The following CYP2C19 variants were observed in gnomAD, a reference collection of about 807,000 sequenced individuals.
The protein encoded by CYP2C19 is cytochrome P450 family 2 subfamily C member 19, also known as cytochrome P450 2C19.
A neutral mutation model predicts 40.9 loss-of-function variants in CYP2C19; 59 were observed. The observed-to-expected ratio is 1.44, with a 90% CI of 1.17 to 1.79. CYP2C19 has a LOEUF of 1.79. Ranked by LOEUF, CYP2C19 falls within the 40% of genes most tolerant of loss-of-function variation. The pLI, the probability that CYP2C19 is intolerant of heterozygous loss-of-function variation, is 0.00. For synonymous variants in CYP2C19, 253 were observed against 208.7 expected (o/e 1.21, Z -1.83); for missense variants, 754 against 596.9 (o/e 1.26, Z -2.74).
intron 5 of CYP2C19, among the ~76,000 whole-genome samples, chr10:94,801,337 A>T (rs949419910): frequency 1.3e-5 from 2 of 152,038 alleles, no homozygotes; most frequent in African/African-American, 4.8e-5. Context: ...CTTTTGCCTT[A>T]ATTTCGTTAG....
intron 6 of CYP2C19, among the ~76,000 whole-genome samples, chr10:94,822,212 T>C (rs1187897535): frequency 2.0e-5 from 3 of 152,152 alleles, no homozygotes; most frequent in African/African-American, 4.8e-5. Context: ...GGCTGGGTAA[T>C]TCATAAAGGA....
chr10:94,765,898 T>A (rs1848234816), intron 1 of CYP2C19, among the ~76,000 whole-genome samples: 1 of 152,066 alleles, frequency 6.6e-6, no homozygotes, highest in African/African-American at 2.4e-5. Context: ...ACAGGTTGCA[T>A]TGCATTCATA....
chr10:94,850,574 G>T (rs1359408893), intron 8 of CYP2C19, among the ~76,000 whole-genome samples: 1 of 152,178 alleles, frequency 6.6e-6, no homozygotes, highest in Admixed American at 6.6e-5. Context: ...ATATAGAAAA[G>T]AACAGGCTGT....
At chr10:94,801,339 T>C (rs1848762594) in intron 5 of CYP2C19, among the ~76,000 whole-genome samples, 1 of 152,218 alleles carries the variant, frequency 6.6e-6, no homozygotes, top group Admixed American at 6.5e-5. Flanking sequence ...TTTGCCTTAA[T>C]TTCGTTAGTT....
chr10:94,815,634 T>A (rs1329733702), intron 5 of CYP2C19, among the ~76,000 whole-genome samples: 1 of 152,230 alleles, frequency 6.6e-6, no homozygotes, highest in Non-Finnish European at 1.5e-5. Flanking sequence ...ATTCTCCATC[T>A]TCATCATTCT....
intron 5 of CYP2C19, among the ~76,000 whole-genome samples, chr10:94,792,137 T>G (rs1848613192): frequency 6.6e-6 from 1 of 152,186 alleles, no homozygotes; most frequent in South Asian, 2.1e-4. Context: ...TTGTCTCTTT[T>G]GATCTTTGTT....
chr10:94,804,569 A>G (rs905178501), intron 5 of CYP2C19, among the ~76,000 whole-genome samples: 10 of 152,110 alleles, frequency 6.6e-5, no homozygotes, highest in African/African-American at 2.4e-4. Context: ...TCCCCACCTT[A>G]GCTGCAGGGC....
At chr10:94,840,188 G>T (rs1037222432) in intron 6 of CYP2C19, among the ~76,000 whole-genome samples, 2 of 151,432 alleles carry the variant, frequency 1.3e-5, no homozygotes, top group Non-Finnish European at 2.9e-5. Context: ...ACCAATTACA[G>T]GTTTTAAATT....
At chr10:94,793,003 G>C (rs907187335) in intron 5 of CYP2C19, among the ~76,000 whole-genome samples, 1 of 152,110 alleles carries the variant, frequency 6.6e-6, no homozygotes, top group Non-Finnish European at 1.5e-5. Flanking sequence ...ATCAGATGTA[G>C]ATTTGGTCTT....
chr10:94,837,972 A>G (rs1028140690), intron 6 of CYP2C19, among the ~76,000 whole-genome samples: 17 of 152,166 alleles, frequency 1.1e-4, no homozygotes, highest in African/African-American at 4.1e-4. Flanking sequence ...CTGCACTGGA[A>G]GCAAGCCCTA....
intron 6 of CYP2C19, among the ~76,000 whole-genome samples, chr10:94,829,428 T>G (rs1400278818): frequency 6.6e-6 from 1 of 152,202 alleles, no homozygotes; most frequent in Non-Finnish European, 1.5e-5. Flanking sequence ...CTGATACCCT[T>G]TCTTCCAGTT....
intron 5 of CYP2C19, among the ~76,000 whole-genome samples, chr10:94,813,079 T>C (rs958309023): frequency 6.6e-6 from 1 of 152,046 alleles, no homozygotes; most frequent in Non-Finnish European, 1.5e-5. Context: ...TTGATGTTGA[T>C]GCTATTCCTT....
chr10:94,764,009 G>T (rs568868330), intron 1 of CYP2C19, among the ~76,000 whole-genome samples: 1 of 152,180 alleles, frequency 6.6e-6, no homozygotes, highest in African/African-American at 2.4e-5. Context: ...AAGGTGGCAT[G>T]TCTGGAGTTG....
intron 3 of CYP2C19, 54 bp from the exon 4 acceptor site, chr10:94,780,445 A>T (rs893035990): frequency 6.3e-7 from 1 of 1,590,376 alleles, no homozygotes; most frequent in Non-Finnish European, 8.6e-7. Flanking sequence ...ACAAATATGA[A>T]GTGTTTTATA....
intron 5 of CYP2C19, among the ~76,000 whole-genome samples, chr10:94,797,713 T>G (rs1848708609): frequency 6.6e-6 from 1 of 152,142 alleles, no homozygotes; most frequent in Non-Finnish European, 1.5e-5. Flanking sequence ...CCTGGTTTAG[T>G]CTTGGGAGGG....
intron 1 of CYP2C19, among the ~76,000 whole-genome samples, chr10:94,769,512 G>T (rs1848297811): frequency 6.6e-6 from 1 of 152,174 alleles, no homozygotes; most frequent in South Asian, 2.1e-4. Flanking sequence ...ACAGAGCAGG[G>T]TTTAGGGGTT....
intron 1 of CYP2C19, among the ~76,000 whole-genome samples, chr10:94,768,876 G>A (rs1185054549): frequency 6.6e-6 from 1 of 152,110 alleles, no homozygotes; most frequent in African/African-American, 2.4e-5. Context: ...CTGCTTTAAG[G>A]TTTTGAAGGC....
intron 5 of CYP2C19, among the ~76,000 whole-genome samples, chr10:94,796,559 G>A (rs139619180): frequency 0.068 from 10,387 of 152,134 alleles, 410 homozygotes; most frequent in South Asian, 0.12. Flanking sequence ...GATGGGGATG[G>A]CATTGAATCT....
chr10:94,770,337 T>C (rs750170574), intron 1 of CYP2C19, among the ~76,000 whole-genome samples: 10 of 152,122 alleles, frequency 6.6e-5, no homozygotes, highest in Non-Finnish European at 1.5e-4. Flanking sequence ...CATTGGACAA[T>C]CTTTTTTAAA....
Sources: gnomAD v4.1 joint callset for allele counts (sites outside exome capture counted in the v4.1 genomes callset) on GRCh38, gnomAD v4.1.1 for gene constraint, MANE v1.5 for transcripts, NCBI Gene and HGNC (gene_info 2026-07-23, HGNC 2026-07-21) for gene names.